Variants in MSRB3 observed in about 807,000 individuals in gnomAD.
MSRB3 encodes the protein methionine sulfoxide reductase B3.
In MSRB3, 13 loss-of-function variants were observed where a neutral mutation model predicts 21.0. The observed-to-expected ratio is 0.62, with a 90% CI of 0.40 to 0.98. The LOEUF (loss-of-function observed/expected upper bound fraction) is 0.98, where lower values mean the gene tolerates loss of function less well. MSRB3 is among the 50% of genes least tolerant of loss of function. The probability of loss-of-function intolerance (pLI) is 0.00; values close to 1 mark genes in which losing one functional copy is unlikely to be tolerated. For missense variants in MSRB3, 199 were observed against 230.3 expected (o/e 0.86, Z 0.88); for synonymous variants, 87 against 88.6 (o/e 0.98, Z 0.10).
rs529815315 is a variant in MSRB3 at position 65,332,635 on chromosome 12, TA to T, written c.263+4040del. On this transcript the variant is annotated intron_variant, in intron 4 of 6. Coordinates refer to ENST00000308259, the MANE Select transcript of MSRB3 (RefSeq NM_001031679.3). ...ATGTACCCCAGAACTTAAAGTATAA[TA>T]AAAAAAAGAAAAGATCATTTCCCCC... Among the ~76,000 whole-genome samples the T allele has an allele frequency of 9.2e-4, 140 of 151,992 alleles. 1 individual carries two copies. Among genetic ancestry groups the T allele is most frequent in the African/African-American group, 2.9e-3 (119 of 41,468 alleles).
chr12:65,453,506 C>T, intron 5 of MSRB3, among the ~76,000 whole-genome samples: 1 of 152,170 alleles, frequency 6.6e-6, no homozygotes, highest in African/African-American at 2.4e-5. Context: ...GCACCAAACC[C>T]TAATGCAACT....
intron 1 of MSRB3, among the ~76,000 whole-genome samples, chr12:65,293,315 TA>T (rs1185042987): frequency 1.3e-5 from 2 of 152,228 alleles, no homozygotes; most frequent in African/African-American, 4.8e-5. Context: ...TTTCTCTTTT[TA>T]GTTTGCAGAT....
In MSRB3 at chr12:65,331,709, G is replaced by A. The variant is rs73318474; in HGVS notation, c.263+3106G>A. 2.1e-3 allele frequency among the ~76,000 whole-genome samples: 319 copies of A among 152,346 alleles called. 2 individuals are homozygous for A. The highest frequency in any genetic ancestry group is 7.2e-3 in the African/African-American group (298 of 41,578). ...GCACCTGGCACTGAAGAAGCCACTC[G>A]TGTAGCTGGAAAGCAGAGTATGCTA... On this transcript the variant is annotated intron_variant, in intron 4 of 6. Coordinates refer to ENST00000308259, the MANE Select transcript of MSRB3 (RefSeq NM_001031679.3).
chr12:65,326,294 CA>C (rs1355300596), intron 2 of MSRB3, among the ~76,000 whole-genome samples: 2 of 152,028 alleles, frequency 1.3e-5, no homozygotes, highest in Non-Finnish European at 1.5e-5. Flanking sequence ...TCATGGAGAA[CA>C]GTAATTCCTG....
At chr12:65,306,012 A>G (rs556112210) in intron 1 of MSRB3, among the ~76,000 whole-genome samples, 23 of 152,330 alleles carry the variant, frequency 1.5e-4, no homozygotes, top group African/African-American at 5.5e-4. Flanking sequence ...CAATTAACTT[A>G]TTTAATCATT....
At chr12:65,449,329 G>A (rs532639436) in intron 5 of MSRB3, among the ~76,000 whole-genome samples, 1 of 151,792 alleles carries the variant, frequency 6.6e-6, no homozygotes, top group Non-Finnish European at 1.5e-5. Context: ...AGGACTCTAA[G>A]TTTCAAACAA....
intron 4 of MSRB3, among the ~76,000 whole-genome samples, chr12:65,336,375 A>G (rs1875764175): frequency 1.3e-5 from 2 of 152,244 alleles, no homozygotes; most frequent in Non-Finnish European, 2.9e-5. Flanking sequence ...TTCTTTTTAA[A>G]AAGTTATATA....
rs1354609747 is a variant in MSRB3 at position 65,418,999 on chromosome 12, T to C, written c.293-34729T>C. ...CAACTCCAGGTGCAGCAGGATCCCG[T>C]TGAGTTGCTCCATCTGCAGGGTGTA... is the stretch of plus-strand genomic sequence containing the variant. On this transcript the variant is annotated intron_variant, in intron 5 of 6. Coordinates refer to ENST00000308259, the MANE Select transcript of MSRB3 (RefSeq NM_001031679.3). The C allele has an allele frequency of 3.4e-5, 24 of 710,980 alleles. 1 individual carries two copies. The South Asian group carries it at 3.4e-4, about 10-fold the overall frequency. 44.0% of individuals were successfully genotyped at this position (710,980 alleles called of 1,614,324 possible).
At chr12:65,358,801 C>G (rs1485128258) in intron 4 of MSRB3, among the ~76,000 whole-genome samples, 2 of 151,858 alleles carry the variant, frequency 1.3e-5, no homozygotes, top group African/African-American at 4.8e-5. Flanking sequence ...ATATTGCAAC[C>G]TGTGATGGGT....
chr12:65,372,091 A>T (rs576073189), intron 5 of MSRB3, among the ~76,000 whole-genome samples: 12 of 152,298 alleles, frequency 7.9e-5, no homozygotes, highest in African/African-American at 2.9e-4. Flanking sequence ...GAAATTATAG[A>T]TGGTCTTGAC....
rs577873065 is a variant in MSRB3 at position 65,408,323 on chromosome 12, G to C, written c.292+39297G>C. On this transcript the variant is annotated intron_variant, in intron 5 of 6. Coordinates refer to ENST00000308259, the MANE Select transcript of MSRB3 (RefSeq NM_001031679.3). ...TTGGCCAGGCTGGTCTCGAACTCCTGACCTCGTGATCCACCCACCTCAGCC... is the reference window on the plus strand; with the variant it reads ...TTGGCCAGGCTGGTCTCGAACTCCTCACCTCGTGATCCACCCACCTCAGCC... Among the ~76,000 whole-genome samples the C allele has an allele frequency of 1.5e-3, 233 of 152,214 alleles. 1 individual carries two copies. Among genetic ancestry groups the C allele is most frequent in the African/African-American group, 5.2e-3 (215 of 41,526 alleles).
At chr12:65,350,077 G>A (rs1293065474) in intron 4 of MSRB3, among the ~76,000 whole-genome samples, 6 of 151,750 alleles carry the variant, frequency 4.0e-5, no homozygotes, top group Non-Finnish European at 7.4e-5. Context: ...ATCTTGAATT[G>A]ATTTTTGTAT....
intron 5 of MSRB3, among the ~76,000 whole-genome samples, chr12:65,380,695 T>C (rs1878893519): frequency 6.6e-6 from 1 of 152,226 alleles, no homozygotes; most frequent in African/African-American, 2.4e-5. Context: ...AAGTGTTTAA[T>C]ATTTATTAAC....
At chr12:65,411,141 TTAAC>T (rs892926215) in intron 5 of MSRB3, among the ~76,000 whole-genome samples, 10 of 151,642 alleles carry the variant, frequency 6.6e-5, no homozygotes, top group African/African-American at 2.0e-4. Flanking sequence ...AGTGTATACT[TTAAC>T]TAAGTTTCTT....
intron 5 of MSRB3, among the ~76,000 whole-genome samples, chr12:65,390,172 C>G (rs925567104): frequency 1.3e-5 from 2 of 152,124 alleles, no homozygotes; most frequent in Admixed American, 6.5e-5. Flanking sequence ...GTCATTTACT[C>G]TAATTCCTGA....
At chr12:65,396,099 G>A (rs1437888236) in intron 5 of MSRB3, among the ~76,000 whole-genome samples, 1 of 151,954 alleles carries the variant, frequency 6.6e-6, no homozygotes, top group Non-Finnish European at 1.5e-5. Context: ...TAAATGATTG[G>A]TTATAGACCT....
chr12:65,412,278 C>T (rs1880754516), intron 5 of MSRB3, among the ~76,000 whole-genome samples: 1 of 152,110 alleles, frequency 6.6e-6, no homozygotes, highest in Non-Finnish European at 1.5e-5. Context: ...AACAACCACC[C>T]TGGTACTTGC....
At chr12:65,402,441 C>T (rs900337755) in intron 5 of MSRB3, among the ~76,000 whole-genome samples, 19 of 152,068 alleles carry the variant, frequency 1.2e-4, no homozygotes, top group Non-Finnish European at 2.6e-4. Flanking sequence ...GAAGTTCTTG[C>T]GCTGTGTTTT....
chr12:65,359,261 T>G (rs1877567644), intron 4 of MSRB3, among the ~76,000 whole-genome samples: 1 of 152,014 alleles, frequency 6.6e-6, no homozygotes. Flanking sequence ...CAGAGGCTAT[T>G]GAAGTGTCCA....
Sources: gnomAD v4.1 joint callset for allele counts (sites outside exome capture counted in the v4.1 genomes callset) on GRCh38, gnomAD v4.1.1 for gene constraint, MANE v1.5 for transcripts, NCBI Gene and HGNC (gene_info 2026-07-23, HGNC 2026-07-21) for gene names.